RIN2: variants seen among roughly 807,000 people sequenced by gnomAD.
The protein encoded by RIN2 is Ras and Rab interactor 2.
Under a neutral mutation model 78.0 loss-of-function variants are expected in RIN2, and 36 were observed. The ratio of observed to expected loss-of-function variants is 0.46; its 90% confidence interval spans 0.35 to 0.61. The LOEUF (loss-of-function observed/expected upper bound fraction) is 0.61, where lower values mean the gene tolerates loss of function less well. Among genes scored for constraint, RIN2 ranks in the 20% least tolerant of loss-of-function variants. RIN2 has a pLI of 0.00. For synonymous variants in RIN2, 466 were observed against 466.8 expected, an observed-to-expected ratio of 1.00 and a Z score of 0.02; for missense variants, 1,087 against 1,159.7, an observed-to-expected ratio of 0.94 and a Z score of 0.91.
rs2042797358 is a variant in RIN2 at position 19,991,537 on chromosome 20, A to G, written c.2069-631A>G. On this transcript the variant is annotated intron_variant, in intron 10 of 12. Coordinates refer to ENST00000255006, the MANE Select transcript of RIN2 (RefSeq NM_018993.4). Reference sequence around the variant, plus strand: ...ATGTCAATGAAAAATGTCTTCAGACAGTGCCAAATGTCCCCTGGGGGACAA... The same window carrying G: ...ATGTCAATGAAAAATGTCTTCAGACGGTGCCAAATGTCCCCTGGGGGACAA... Among the ~76,000 whole-genome samples the G allele has an allele frequency of 2.6e-5, 4 of 152,258 alleles. 1 individual carries two copies. In the South Asian group the frequency reaches 8.3e-4, roughly 31 times the overall value.
chr20:19,895,448 C>A (rs916497436), intron 3 of RIN2, among the ~76,000 whole-genome samples: 1 of 152,132 alleles, frequency 6.6e-6, no homozygotes, highest in South Asian at 2.1e-4. Flanking sequence ...TAGAGTACCC[C>A]CTTTCTAAGT....
At chr20:19,805,016 T>C (rs1054067300) in intron 2 of RIN2, among the ~76,000 whole-genome samples, 2 of 152,170 alleles carry the variant, frequency 1.3e-5, no homozygotes, top group Admixed American at 1.3e-4. Context: ...GATTTTCTAG[T>C]TTATTTAGGT....
intron 3 of RIN2, among the ~76,000 whole-genome samples, chr20:19,918,116 T>C (rs1311570950): frequency 6.6e-6 from 1 of 152,114 alleles, no homozygotes; most frequent in Non-Finnish European, 1.5e-5. Context: ...AATGTGACTG[T>C]GACACCCACG....
intron 3 of RIN2, among the ~76,000 whole-genome samples, chr20:19,918,023 GC>G (rs1372778012): frequency 6.6e-6 from 1 of 152,162 alleles, no homozygotes; most frequent in Non-Finnish European, 1.5e-5. Flanking sequence ...TCTAGAAAGA[GC>G]AAGTCATCTT....
chr20:19,783,231 G>A (rs367788225), intron 1 of RIN2, among the ~76,000 whole-genome samples: 4 of 152,124 alleles, frequency 2.6e-5, no homozygotes, highest in Non-Finnish European at 5.9e-5. Flanking sequence ...ATATTCATAC[G>A]GTTTTCTCAA....
chr20:19,907,023 G>A (rs1252796923), intron 3 of RIN2, among the ~76,000 whole-genome samples: 1 of 152,310 alleles, frequency 6.6e-6, no homozygotes, highest in East Asian at 1.9e-4. Flanking sequence ...CCAAGGTTGA[G>A]GGGACTGCAT....
At chr20:19,763,313 G>A (rs1050273773) in intron 1 of RIN2, among the ~76,000 whole-genome samples, 11 of 152,194 alleles carry the variant, frequency 7.2e-5, no homozygotes, top group African/African-American at 2.4e-4. Context: ...CCCTGAACCC[G>A]GGAGGCAGAG....
intron 2 of RIN2, among the ~76,000 whole-genome samples, chr20:19,811,672 T>C (rs6046334): frequency 0.29 from 44,688 of 151,968 alleles, 7,089 homozygotes; most frequent in African/African-American, 0.42. Flanking sequence ...AGAAATGAGA[T>C]CTTTTCGTTC....
intron 3 of RIN2, among the ~76,000 whole-genome samples, chr20:19,933,965 C>T (rs1205056285): frequency 2.0e-5 from 3 of 152,054 alleles, no homozygotes; most frequent in Admixed American, 6.6e-5. Context: ...CGCACCACCA[C>T]GCCTGGCTAA....
At chr20:19,988,618 C>A (rs536801160) in intron 9 of RIN2, among the ~76,000 whole-genome samples, 1 of 152,212 alleles carries the variant, frequency 6.6e-6, no homozygotes, top group Non-Finnish European at 1.5e-5. Context: ...GCCTTCAGCC[C>A]GCATCTCTGG....
chr20:19,897,821 C>T (rs933149107), intron 3 of RIN2, among the ~76,000 whole-genome samples: 2 of 151,922 alleles, frequency 1.3e-5, no homozygotes, highest in Middle Eastern at 3.2e-3. Flanking sequence ...AAGCTATCTT[C>T]CCCCATCAGC....
intron 7 of RIN2, 139 bp downstream of exon 7, chr20:19,965,163 TGTTCACCAAGTGAACAG>T (rs1382927102): frequency 1.4e-5 from 10 of 714,132 alleles, no homozygotes; most frequent in South Asian, 3.3e-5. Flanking sequence ...TTAAGTAAAA[TGTTCACCAAGTGAACAG>T]GTTCACCAAG....
intron 1 of RIN2, among the ~76,000 whole-genome samples, chr20:19,792,756 C>T (rs1342814652): frequency 1.3e-5 from 2 of 152,218 alleles, no homozygotes; most frequent in East Asian, 1.9e-4. Context: ...TATTCTATTA[C>T]CCCTTCATTG....
chr20:19,861,647 A>G (rs1055854663), intron 2 of RIN2, among the ~76,000 whole-genome samples: 2 of 147,826 alleles, frequency 1.4e-5, no homozygotes, highest in African/African-American at 5.1e-5. Flanking sequence ...ATCACCCTCC[A>G]TATCTGATCA....
chr20:19,833,633 C>T (rs576579728), intron 2 of RIN2, among the ~76,000 whole-genome samples: 1 of 152,344 alleles, frequency 6.6e-6, no homozygotes, highest in South Asian at 2.1e-4. Context: ...AGGAAGAGAA[C>T]AGAAGGTATC....
chr20:19,963,677 T>A (rs2041840752), intron 6 of RIN2, among the ~76,000 whole-genome samples: 1 of 151,238 alleles, frequency 6.6e-6, no homozygotes, highest in Admixed American at 6.6e-5. Flanking sequence ...CACATCGGAT[T>A]GAGGAAATCT....
chr20:19,996,617 CCT>C, intron 11 of RIN2, 60 bp from the exon 12 acceptor site: 2 of 1,541,654 alleles, frequency 1.3e-6, no homozygotes, highest in South Asian at 2.2e-5. Context: ...GCTGGCATCC[CCT>C]GTTATCACCC....
intron 2 of RIN2, among the ~76,000 whole-genome samples, chr20:19,860,334 T>C (rs1298170699): frequency 7.7e-6 from 1 of 130,190 alleles, no homozygotes; most frequent in Admixed American, 7.4e-5. Flanking sequence ...TTTTTGTTTT[T>C]TTTCTGAGAC....
At chr20:19,973,349 T>C (rs566458348) in intron 8 of RIN2, among the ~76,000 whole-genome samples, 1 of 152,078 alleles carries the variant, frequency 6.6e-6, no homozygotes, top group South Asian at 2.1e-4. Flanking sequence ...ACAGGATAGA[T>C]TACATAAGGC....
Sources: gnomAD v4.1 joint callset for allele counts (sites outside exome capture counted in the v4.1 genomes callset) on GRCh38, gnomAD v4.1.1 for gene constraint, MANE v1.5 for transcripts, NCBI Gene and HGNC (gene_info 2026-07-23, HGNC 2026-07-21) for gene names.